KCNH2: variants seen among roughly 807,000 people sequenced by gnomAD.
KCNH2 encodes potassium voltage-gated channel subfamily H member 2.
KCNH2 carries 35 observed loss-of-function variants against 95.9 expected under a neutral mutation model. The ratio of observed to expected loss-of-function variants is 0.37; its 90% CI spans 0.28 to 0.48. KCNH2 has a LOEUF of 0.48. KCNH2 is among the 20% of genes least tolerant of loss of function. KCNH2 has a pLI of 0.99. For missense variants in KCNH2, 1,274 were observed against 1,702.9 expected (o/e 0.75, Z 4.43); for synonymous variants, 786 against 754.7 (o/e 1.04, Z -0.68).
At chr7:150,959,191 A>G (rs565758928) in intron 3 of KCNH2, among the ~76,000 whole-genome samples, 1 of 152,194 alleles carries the variant, frequency 6.6e-6, no homozygotes, top group African/African-American at 2.4e-5. Flanking sequence ...CATAGGACAC[A>G]GCTTCCTACT....
At position 150,958,291 on chromosome 7, in the gene KCNH2, C is replaced by T. The variant is rs1350217087; in HGVS notation, c.684G>A (p.Ala228=). 27 of 1,466,178 alleles carry T rather than the reference C, an allele frequency of 1.8e-5. No individual in the cohort carries two copies. In the East Asian group the frequency reaches 8.1e-4, roughly 44 times the overall value. The allele number at this position is 1,466,178 out of a possible 1,614,324, so 90.8% of individuals were successfully genotyped here. The stretch of plus-strand genomic sequence containing the variant: ...GACCCACCAGCGCACGCCGCTCCTC[C>T]GCGGGCCCGAGCCCTGCCACGTGGT... The part of the protein sequence containing the change: ...MDNHVAGLGP[A]EERRALVGPG... The change falls in exon 4 of 15, where the codon GCG becomes GCA. Residue 228 remains alanine, a synonymous_variant. Transcript: ENST00000262186.
At chr7:150,959,443 C>T in intron 3 of KCNH2, 129 bp downstream of exon 3, 34 of 1,135,906 alleles carry the variant, frequency 3.0e-5, no homozygotes, top group Non-Finnish European at 4.3e-5. Flanking sequence ...CTTCCCACCT[C>T]CAAAGGGGGG....
rs1210557532 is a variant in KCNH2, at chr7:150,978,289, G to C, written c.-376C>G. On this transcript the variant is annotated 5_prime_UTR_variant, in exon 1 of 15. Coordinates refer to ENST00000262186, the MANE Select transcript of KCNH2 (RefSeq NM_000238.4). ...CGCTCCAGCGCCCGCGGCTCGGGCAGCGCCTGCGGCTCGGCCCGGCCGCGG... is the reference window on the plus strand; with the variant it reads ...CGCTCCAGCGCCCGCGGCTCGGGCACCGCCTGCGGCTCGGCCCGGCCGCGG... 5.5e-5 allele frequency: 8 copies of C among 146,200 alleles called. No individual in the cohort carries two copies. Among genetic ancestry groups the C allele is most frequent in the Admixed American group, 2.0e-4 (3 of 14,804 alleles). 9.1% of individuals were successfully genotyped at this position (146,200 alleles called of 1,614,324 possible). A position where few individuals can be genotyped will look rare whatever the true frequency, so the allele number is the denominator to read the frequency against.
rs771275949 is a variant in KCNH2, at chr7:150,959,755, T to C, written c.308-19A>G. ...CAGCTCCCTGCAGAGTGGGAGGACA[T>C]AGCCCCCTTGGCACCCACTCAGTGG... On this transcript the variant is annotated intron_variant, in intron 2 of 14. Coordinates refer to ENST00000262186, the MANE Select transcript of KCNH2 (RefSeq NM_000238.4). 11 of 1,614,036 alleles carry C rather than the reference T, an allele frequency of 6.8e-6. No homozygotes were observed. In the South Asian group the frequency reaches 9.9e-5, roughly 14 times the overall value.
intron 1 of KCNH2, among the ~76,000 whole-genome samples, chr7:150,975,715 T>C (rs996324111): frequency 3.9e-5 from 6 of 152,230 alleles, no homozygotes; most frequent in Non-Finnish European, 7.3e-5. Context: ...TTGTAAATGA[T>C]AGAGCCAGCT....
At position 150,961,237 on chromosome 7, in the gene KCNH2, G is replaced by A. The variant is rs889196563; in HGVS notation, c.308-1501C>T. Among the ~76,000 whole-genome samples the A allele has an allele frequency of 1.3e-5, 2 of 152,150 alleles. No homozygotes were observed. Among genetic ancestry groups the A allele is most frequent in the African/African-American group, 4.8e-5 (2 of 41,436 alleles). ...CTGACAGGGAGGCTGCAGGCATGGG[G>A]GAGAGGCAAGGGTGACAAACCATGC... On this transcript the variant is annotated intron_variant, in intron 2 of 14. Transcript: ENST00000262186. This position sits in a 1 kb window ranked among gnomAD's most constrained non-coding sequence, Gnocchi z 6.2.
intron 2 of KCNH2, among the ~76,000 whole-genome samples, chr7:150,970,185 T>G (rs879374762): frequency 1.3e-5 from 2 of 152,034 alleles, no homozygotes; most frequent in Non-Finnish European, 2.9e-5. Flanking sequence ...TACCAACATG[T>G]GAAGGGCTTT....
At chr7:150,977,480 CTT>C (rs959126362) in intron 1 of KCNH2, among the ~76,000 whole-genome samples, 23 of 152,298 alleles carry the variant, frequency 1.5e-4, no homozygotes, top group Non-Finnish European at 2.4e-4. Context: ...CGTACACACT[CTT>C]ATGCCCTTGC....
intron 5 of KCNH2, chr7:150,955,402 G>A: frequency 6.4e-7 from 1 of 1,559,070 alleles, no homozygotes; most frequent in Non-Finnish European, 8.7e-7. Context: ...CTACCTCCTG[G>A]GCCACGAGGC....
At position 150,946,018 on chromosome 7, in the gene KCNH2, G is replaced by A. The variant is rs1022233016; in HGVS notation, c.3331-504C>T. 3.9e-5 allele frequency among the ~76,000 whole-genome samples: 6 copies of A among 152,188 alleles called. No homozygotes were observed. Among genetic ancestry groups the A allele is most frequent in the African/African-American group, 1.4e-4 (6 of 41,438 alleles). ...GGTTTGTGGGTACTGAGCGTCTGCTGGTGAGAGCTCTGCGGGGGCGGCTGC... is the reference window on the plus strand; with the variant it reads ...GGTTTGTGGGTACTGAGCGTCTGCTAGTGAGAGCTCTGCGGGGGCGGCTGC... On this transcript the variant is annotated intron_variant, in intron 14 of 14. Transcript: ENST00000262186. This position sits in a 1 kb window ranked among gnomAD's most constrained non-coding sequence, Gnocchi z 6.5.
Position 150,974,789 on chromosome 7 carries a change from G to A in KCNH2, c.229C>T (p.Arg77Cys). 1 of 1,605,056 alleles carries A rather than the reference G, an allele frequency of 6.2e-7. No individual in the cohort carries two copies. The highest frequency in any genetic ancestry group is 8.5e-7 in the Non-Finnish European group (1 of 1,176,122). The change falls in exon 2 of 15, where the codon CGC becomes TGC. Residue 77 changes from arginine to cysteine, a missense_variant. Around this residue, in one of 7 missense-constraint regions of KCNH2, gnomAD observed 85 missense variants for 174.7 expected, o/e 0.49. Transcript: ENST00000262186. Reference sequence around the variant, plus strand: ...GCCTGCGCGATCTGCGCGGCAGCGCGGCGCTGCGTGCGCGGCCCGTGCAGG... The same window carrying A: ...GCCTGCGCGATCTGCGCGGCAGCGCAGCGCTGCGTGCGCGGCCCGTGCAGG... ...DFLHGPRTQRRAAAQIAQALL... is the reference protein window; with the variant it reads ...DFLHGPRTQRCAAAQIAQALL...
Position 150,952,511 on chromosome 7 carries a change from C to T in KCNH2, c.1471G>A (p.Val491Ile), listed in dbSNP as rs374376640. The change falls in exon 6 of 15, where the codon GTC (valine) becomes ATC (isoleucine). Residue 491 changes from valine (V) to isoleucine (I), a missense_variant. Coordinates refer to ENST00000262186, the MANE Select transcript of KCNH2 (RefSeq NM_000238.4). This position sits in a 1 kb window ranked among gnomAD's most constrained non-coding sequence, Gnocchi z 7.3. Reference sequence around the variant, plus strand: ...AGGAACCAGCCCTTGAAGTAGTGGACGGCGATGCGGCCGGGGTGGCTGACC... The same window carrying T: ...AGGAACCAGCCCTTGAAGTAGTGGATGGCGATGCGGCCGGGGTGGCTGACC... ...EVVSHPGRIA[V>I]HYFKGWFLID... The T allele has an allele frequency of 4.1e-5, 66 of 1,614,008 alleles. 2 individuals are homozygous for T. The East Asian group carries it at 4.2e-4, about 10-fold the overall frequency.
At chr7:150,950,056 C>T (rs771057684) in intron 9 of KCNH2, 112 bp downstream of exon 9, 2 of 1,611,438 alleles carry the variant, frequency 1.2e-6, no homozygotes, top group South Asian at 2.2e-5. Flanking sequence ...AGCCCAGTGA[C>T]CCTGCAGGCA....
intron 2 of KCNH2, among the ~76,000 whole-genome samples, chr7:150,967,434 A>G (rs943194791): frequency 2.6e-5 from 4 of 152,358 alleles, no homozygotes; most frequent in Middle Eastern, 3.4e-3. Flanking sequence ...AGCTATATCA[A>G]TGCAAGAGCC....
At chr7:150,951,173 C>A in intron 7 of KCNH2, 53 bp from the exon 8 acceptor site, 1 of 1,456,372 alleles carries the variant, frequency 6.9e-7, no homozygotes. Context: ...CCCACCCACC[C>A]ACAGGGACCC....
chr7:150,948,407 T>TGCCCC, intron 11 of KCNH2, 37 bp downstream of exon 11: 3 of 1,219,312 alleles, frequency 2.5e-6, no homozygotes, highest in Non-Finnish European at 2.3e-6. Context: ...CCTCACCTTG[T>TGCCCC]CCCCGCCCTC....
chr7:150,955,061 C>T (rs1236035610), intron 5 of KCNH2, among the ~76,000 whole-genome samples: 1 of 152,258 alleles, frequency 6.6e-6, no homozygotes, highest in African/African-American at 2.4e-5. Context: ...TGGTCCTGCC[C>T]ATGGGCTCCT....
intron 9 of KCNH2, chr7:150,949,872 C>A: frequency 7.4e-7 from 1 of 1,358,168 alleles, no homozygotes. Flanking sequence ...TCCTCTACTG[C>A]CCAGGCTAGA....
rs1181327982 is a variant in KCNH2 at position 150,978,317 on chromosome 7, G to A, written c.-404C>T. 2.7e-5 allele frequency: 4 copies of A among 147,428 alleles called. No individual in the cohort carries two copies. Among genetic ancestry groups the A allele is most frequent in the Admixed American group, 2.7e-4 (4 of 14,876 alleles). 9.1% of individuals were successfully genotyped at this position (147,428 alleles called of 1,614,324 possible). A position where few individuals can be genotyped will look rare whatever the true frequency, so the allele number is the denominator to read the frequency against. On this transcript the variant is annotated 5_prime_UTR_variant, in exon 1 of 15. Transcript: ENST00000262186. ...CCTGCGGCTCGGCCCGGCCGCGGAAGGGTTAATGCGGCGCGCGCCCCTCCG... is the reference window on the plus strand; with the variant it reads ...CCTGCGGCTCGGCCCGGCCGCGGAAAGGTTAATGCGGCGCGCGCCCCTCCG...
Sources: allele counts gnomAD v4.1 joint callset (sites outside exome capture counted in the v4.1 genomes callset), GRCh38; gene constraint gnomAD v4.1.1; regional missense constraint gnomAD v4.1.1; non-coding constraint Gnocchi (gnomAD v3.1); transcripts MANE v1.5; gene names NCBI Gene and HGNC (gene_info 2026-07-23, HGNC 2026-07-21).